The following HS3ST5 variants were observed in gnomAD, a reference collection of about 807,000 sequenced individuals.
HS3ST5 encodes the protein heparan sulfate glucosamine 3-O-sulfotransferase 5.
Under a neutral mutation model 25.4 loss-of-function variants are expected in HS3ST5, and 10 were observed. The observed-to-expected ratio is 0.39, with a 90% CI of 0.24 to 0.67. The LOEUF is 0.67. HS3ST5 is among the 30% of genes least tolerant of loss of function. The pLI is 0.44. For missense variants in HS3ST5, 324 were observed against 420.7 expected (o/e 0.77, Z 2.01); for synonymous variants, 170 against 162.4 (o/e 1.05, Z -0.36).
chr6:114,233,784 C>T (rs1771723720), intron 1 of HS3ST5, among the ~76,000 whole-genome samples: 1 of 152,136 alleles, frequency 6.6e-6, no homozygotes, highest in Non-Finnish European at 1.5e-5. Context: ...AGTTAGTGGA[C>T]ATTTACCTGA....
At chr6:114,229,057 A>T (rs1363358088) in intron 1 of HS3ST5, among the ~76,000 whole-genome samples, 3 of 152,162 alleles carry the variant, frequency 2.0e-5, no homozygotes, top group African/African-American at 7.2e-5. Flanking sequence ...TTTGATATGC[A>T]GGTGCTACAT....
intron 1 of HS3ST5, among the ~76,000 whole-genome samples, chr6:114,302,835 T>C (rs1449839620): frequency 6.6e-6 from 1 of 152,094 alleles, no homozygotes. Context: ...CAATTAAGAG[T>C]GAAAATGTTA....
intron 3 of HS3ST5, among the ~76,000 whole-genome samples, chr6:114,065,008 G>A (rs1773368512): frequency 6.6e-6 from 1 of 152,166 alleles, no homozygotes; most frequent in Non-Finnish European, 1.5e-5. Context: ...CATAAGCAAA[G>A]AGAGAGCAAA....
chr6:114,188,049 T>A (rs936051399), intron 2 of HS3ST5, among the ~76,000 whole-genome samples: 9 of 152,356 alleles, frequency 5.9e-5, no homozygotes, highest in African/African-American at 2.2e-4. Flanking sequence ...CTTTTATATG[T>A]ACTGGAAAGC....
chr6:114,114,805 G>A (rs756822297), intron 3 of HS3ST5, among the ~76,000 whole-genome samples: 9 of 151,984 alleles, frequency 5.9e-5, no homozygotes, highest in Admixed American at 2.0e-4. Flanking sequence ...TAAAAAAATC[G>A]TATTGATCAG....
chr6:114,167,937 A>C (rs1246352862), intron 3 of HS3ST5, among the ~76,000 whole-genome samples: 3 of 152,142 alleles, frequency 2.0e-5, no homozygotes, highest in African/African-American at 7.2e-5. Flanking sequence ...TAAAACTATC[A>C]AAGAGTAGTT....
Position 114,057,509 on chromosome 6 carries a change from C to T in HS3ST5, c.789G>A (p.Leu263=). 1.2e-6 allele frequency: 2 copies of T among 1,614,162 alleles called. No homozygotes were observed. Among genetic ancestry groups the T allele is most frequent in the Non-Finnish European group, 1.7e-6 (2 of 1,180,018 alleles). ...ACTTCTCCACGAGCTGAAGTTCTGG[C>T]AGAGGTTCCGTGATGAGGCGATCTC... is the stretch of plus-strand genomic sequence containing the variant. ...VDGDRLITEP[L]PELQLVEKFL... Residue 263 remains leucine (L), a synonymous_variant, in exon 5 of 5, where the codon CTG becomes CTA. Transcript: ENST00000312719.
rs565393109 is a variant in HS3ST5 at position 114,089,878 on chromosome 6, T to C, written c.-32-27001A>G. Among the ~76,000 whole-genome samples, 146 of 152,322 alleles carry C rather than the reference T, an allele frequency of 9.6e-4. No individual in the cohort carries two copies. The Middle Eastern group carries it at 0.014, about 14-fold the overall frequency. ...CACAATTTTGATGGTTTAGTACACA[T>C]GGAAAGAAAACGTTTCTTTTAATAG... On this transcript the variant is annotated intron_variant, in intron 3 of 4. Transcript: ENST00000312719.
chr6:114,184,698 T>C (rs769162640), intron 2 of HS3ST5, among the ~76,000 whole-genome samples: 1 of 152,230 alleles, frequency 6.6e-6, no homozygotes, highest in Non-Finnish European at 1.5e-5. Flanking sequence ...TCCGAAGCTG[T>C]GGAGGCTCAC....
chr6:114,299,323 G>A (rs1774970743), intron 1 of HS3ST5, among the ~76,000 whole-genome samples: 1 of 152,162 alleles, frequency 6.6e-6, no homozygotes, highest in East Asian at 1.9e-4. Context: ...CTGATAAGAT[G>A]TTATCAATGA....
At chr6:114,160,965 A>C (rs568626286) in intron 3 of HS3ST5, among the ~76,000 whole-genome samples, 9 of 152,336 alleles carry the variant, frequency 5.9e-5, no homozygotes, top group Admixed American at 5.2e-4. Context: ...AGCTTTTAAA[A>C]GTATTAATTT....
intron 1 of HS3ST5, among the ~76,000 whole-genome samples, chr6:114,257,000 G>C (rs183656493): frequency 5.4e-4 from 82 of 152,350 alleles, no homozygotes; most frequent in African/African-American, 1.9e-3. Context: ...GCAAGCAAGA[G>C]AGAATGAGAA....
intron 1 of HS3ST5, among the ~76,000 whole-genome samples, chr6:114,246,502 C>T (rs534637318): frequency 8.0e-4 from 122 of 152,334 alleles, no homozygotes; most frequent in African/African-American, 2.8e-3. Flanking sequence ...CCTATTACAA[C>T]TGGCTCTTGT....
At chr6:114,098,830 G>T (rs1775581420) in intron 3 of HS3ST5, among the ~76,000 whole-genome samples, 1 of 151,928 alleles carries the variant, frequency 6.6e-6, no homozygotes, top group Non-Finnish European at 1.5e-5. Context: ...AGGAAGGCTA[G>T]CTCATCTTGC....
intron 2 of HS3ST5, among the ~76,000 whole-genome samples, chr6:114,180,911 C>T (rs764591588): frequency 3.3e-5 from 5 of 152,182 alleles, no homozygotes; most frequent in African/African-American, 9.7e-5. Context: ...CAACCAAACA[C>T]GTTCAGTTTC....
chr6:114,098,767 G>A (rs1011991610), intron 3 of HS3ST5, among the ~76,000 whole-genome samples: 1 of 151,754 alleles, frequency 6.6e-6, no homozygotes, highest in Non-Finnish European at 1.5e-5. Flanking sequence ...AAAGCCATTG[G>A]TGTGTATTTT....
chr6:114,297,029 C>T (rs989934938), intron 1 of HS3ST5, among the ~76,000 whole-genome samples: 5 of 152,034 alleles, frequency 3.3e-5, no homozygotes, highest in African/African-American at 1.2e-4. Context: ...ATAAAAACAC[C>T]GTTCTGGATC....
chr6:114,140,871 T>C (rs1323154228), intron 3 of HS3ST5, among the ~76,000 whole-genome samples: 4 of 152,214 alleles, frequency 2.6e-5, no homozygotes, highest in Non-Finnish European at 5.9e-5. Context: ...TAATTTTTTT[T>C]TAGCAAGTTA....
intron 3 of HS3ST5, among the ~76,000 whole-genome samples, chr6:114,113,150 G>A (rs1776349158): frequency 6.6e-6 from 1 of 152,162 alleles, no homozygotes; most frequent in South Asian, 2.1e-4. Flanking sequence ...GTCATCTAGA[G>A]ATGAGACTGC....
Sources: allele counts gnomAD v4.1 joint callset (sites outside exome capture counted in the v4.1 genomes callset), GRCh38; gene constraint gnomAD v4.1.1; transcripts MANE v1.5; gene names NCBI Gene and HGNC (gene_info 2026-07-23, HGNC 2026-07-21).